GABRG3: variants seen among roughly 807,000 people sequenced by gnomAD.
GABRG3 encodes gamma-aminobutyric acid type A receptor subunit gamma3, also known as gamma-aminobutyric acid receptor subunit gamma-3.
Under a neutral mutation model 48.8 loss-of-function variants are expected in GABRG3, and 25 were observed. The observed-to-expected ratio is 0.51, with a 90% CI of 0.37 to 0.72. GABRG3 has a LOEUF of 0.72. Among genes scored for constraint, GABRG3 ranks in the 30% least tolerant of loss-of-function variants. The pLI is 0.00. For synonymous variants in GABRG3, 227 were observed against 217.6 expected (o/e 1.04, Z -0.38); for missense variants, 394 against 577.9 (o/e 0.68, Z 3.26).
chr15:27,395,059 C>T (rs1356803651), intron 5 of GABRG3, among the ~76,000 whole-genome samples: 1 of 152,236 alleles, frequency 6.6e-6, no homozygotes, highest in Non-Finnish European at 1.5e-5. Flanking sequence ...CCTTTCCCCT[C>T]TGCCCTCTCC....
At chr15:27,431,650 G>T (rs1240673815) in intron 5 of GABRG3, among the ~76,000 whole-genome samples, 1 of 152,140 alleles carries the variant, frequency 6.6e-6, no homozygotes, top group African/African-American at 2.4e-5. Flanking sequence ...TAGCTGTGAG[G>T]TTTTGTAGAC....
intron 2 of GABRG3, among the ~76,000 whole-genome samples, chr15:26,996,483 G>C (rs2140651806): frequency 6.6e-6 from 1 of 151,896 alleles, no homozygotes; most frequent in South Asian, 2.1e-4. Context: ...TTCTCTTGCG[G>C]CTTCCAAGAT....
chr15:27,381,399 G>A (rs1342908051), intron 5 of GABRG3, among the ~76,000 whole-genome samples: 1 of 152,190 alleles, frequency 6.6e-6, no homozygotes, highest in Non-Finnish European at 1.5e-5. Flanking sequence ...TAGAGCTCGT[G>A]GAAGTAAAAT....
At chr15:27,085,412 T>C (rs1281126617) in intron 3 of GABRG3, among the ~76,000 whole-genome samples, 2 of 152,252 alleles carry the variant, frequency 1.3e-5, no homozygotes, top group African/African-American at 4.8e-5. Flanking sequence ...GTTGGAAATA[T>C]ATTTACACAG....
At chr15:27,034,022 C>T (rs1379784564) in intron 3 of GABRG3, among the ~76,000 whole-genome samples, 1 of 152,158 alleles carries the variant, frequency 6.6e-6, no homozygotes, top group Non-Finnish European at 1.5e-5. Flanking sequence ...CTCCTTGAAT[C>T]AGAATCTGCA....
intron 3 of GABRG3, among the ~76,000 whole-genome samples, chr15:27,127,789 A>G (rs1897846915): frequency 1.3e-5 from 2 of 152,186 alleles, no homozygotes; most frequent in African/African-American, 4.8e-5. Context: ...AAATAACAAT[A>G]CACGTGTTTA....
chr15:27,075,543 C>T lies in GABRG3; in HGVS notation c.270+48722C>T, dbSNP rs1447831950. Among the ~76,000 whole-genome samples the T allele has an allele frequency of 3.9e-5, 6 of 152,216 alleles. No homozygotes were observed. The East Asian group carries it at 1.2e-3, about 29-fold the overall frequency. ...AAGGCTTTGTACATTCGGCAGAGAA[C>T]TCTTTCCATATTGTTTATATAAGAA... On this transcript the variant is annotated intron_variant, in intron 3 of 9. Coordinates refer to ENST00000615808, the MANE Select transcript of GABRG3 (RefSeq NM_033223.5).
chr15:27,308,646 G>A (rs907159289), intron 3 of GABRG3, among the ~76,000 whole-genome samples: 15 of 147,714 alleles, frequency 1.0e-4, no homozygotes, highest in East Asian at 2.1e-4. Flanking sequence ...GTAAACATAC[G>A]CTTATGTATA....
chr15:27,020,810 G>T (rs1413977158), intron 2 of GABRG3, among the ~76,000 whole-genome samples: 1 of 152,112 alleles, frequency 6.6e-6, no homozygotes, highest in African/African-American at 2.4e-5. Context: ...CTCCATGGAG[G>T]TGATATAATT....
rs1895605243 is a variant in GABRG3 at position 27,376,617 on chromosome 15, G to A, written c.574+47729G>A. 2.0e-5 allele frequency among the ~76,000 whole-genome samples: 3 copies of A among 152,222 alleles called. No homozygotes were observed. In the South Asian group the frequency reaches 6.2e-4, roughly 31 times the overall value. ...CCAAGGATTGAGGCTTGCACCCTCT[G>A]AAGCCATGGCCCGAACTTTATGTTG... On this transcript the variant is annotated intron_variant, in intron 5 of 9. Transcript: ENST00000615808.
chr15:27,153,359 AT>A (rs1468123850), intron 3 of GABRG3, among the ~76,000 whole-genome samples: 4 of 152,258 alleles, frequency 2.6e-5, no homozygotes, highest in Admixed American at 6.5e-5. Context: ...CTATGTGTGT[AT>A]CCCTCTGACA....
intron 5 of GABRG3, among the ~76,000 whole-genome samples, chr15:27,391,171 G>A (rs908230190): frequency 6.6e-6 from 1 of 151,678 alleles, no homozygotes; most frequent in Non-Finnish European, 1.5e-5. Flanking sequence ...ATATTCAGCA[G>A]CCCTTGTAAA....
chr15:27,337,788 G>A (rs1894025389), intron 5 of GABRG3, among the ~76,000 whole-genome samples: 1 of 152,088 alleles, frequency 6.6e-6, no homozygotes, highest in African/African-American at 2.4e-5. Context: ...CCTAAAAAAA[G>A]CCATAAAATC....
chr15:27,248,945 G>A (rs931153096), intron 3 of GABRG3, among the ~76,000 whole-genome samples: 1 of 152,116 alleles, frequency 6.6e-6, no homozygotes, highest in East Asian at 1.9e-4. Flanking sequence ...TCGGCGACTG[G>A]CCCCGGAGGC....
intron 5 of GABRG3, among the ~76,000 whole-genome samples, chr15:27,408,185 G>A (rs1174635124): frequency 6.6e-6 from 1 of 152,188 alleles, no homozygotes; most frequent in Non-Finnish European, 1.5e-5. Context: ...TATAACAAGA[G>A]TAAGTATCAG....
chr15:27,330,060 T>C (rs1241740484), intron 5 of GABRG3, among the ~76,000 whole-genome samples: 1 of 152,070 alleles, frequency 6.6e-6, no homozygotes, highest in Non-Finnish European at 1.5e-5. Flanking sequence ...GCTAACACGG[T>C]GAAACCCTGT....
intron 5 of GABRG3, among the ~76,000 whole-genome samples, chr15:27,464,068 G>A (rs1444789820): frequency 1.3e-5 from 2 of 152,008 alleles, no homozygotes; most frequent in African/African-American, 2.4e-5. Flanking sequence ...ACTACTCCAG[G>A]TTTTTTTAAA....
At chr15:27,258,490 C>G (rs550062696) in intron 3 of GABRG3, among the ~76,000 whole-genome samples, 1 of 152,192 alleles carries the variant, frequency 6.6e-6, no homozygotes, top group East Asian at 1.9e-4. Context: ...AGCCGTGGGG[C>G]ACACACTGCA....
At chr15:27,096,598 T>A (rs1897268545) in intron 3 of GABRG3, among the ~76,000 whole-genome samples, 1 of 152,242 alleles carries the variant, frequency 6.6e-6, no homozygotes, top group African/African-American at 2.4e-5. Flanking sequence ...TTCATTTTTG[T>A]ATCTTCTGGG....
Sources: gnomAD v4.1 joint callset for allele counts (sites outside exome capture counted in the v4.1 genomes callset) on GRCh38, gnomAD v4.1.1 for gene constraint, MANE v1.5 for transcripts, NCBI Gene and HGNC (gene_info 2026-07-23, HGNC 2026-07-21) for gene names.